The following RTN4 variants were observed in gnomAD, a reference collection of about 807,000 sequenced individuals.
RTN4 encodes the protein reticulon-4.
RTN4 carries 32 observed loss-of-function variants against 90.4 expected under a neutral mutation model. The observed-to-expected ratio is 0.35, with a 90% CI of 0.27 to 0.48. The LOEUF (loss-of-function observed/expected upper bound fraction) is 0.48. Among genes scored for constraint, RTN4 ranks in the 20% least tolerant of loss-of-function variants. The pLI is 0.99. For missense variants in RTN4, 1,706 were observed against 1,430.2 expected (o/e 1.19, Z -3.11); for synonymous variants, 629 against 552.5 (o/e 1.14, Z -1.94).
At chr2:55,120,076 A>T in the RTN4 span, among the ~76,000 whole-genome samples, 1 of 152,214 alleles carries the variant, frequency 6.6e-6, no homozygotes, top group African/African-American at 2.4e-5. Flanking sequence ...GGCCCACGGC[A>T]CTGAGAGGTG....
chr2:55,054,626 G>A (rs992337380), upstream of RTN4, among the ~76,000 whole-genome samples: 2 of 152,108 alleles, frequency 1.3e-5, no homozygotes, highest in Non-Finnish European at 2.9e-5. Flanking sequence ...ATAGCAGGAC[G>A]TGAACACCAG....
At chr2:55,106,959 T>C (rs1667954380) in intron 1 of RTN4, among the ~76,000 whole-genome samples, 1 of 152,156 alleles carries the variant, frequency 6.6e-6, no homozygotes, top group African/African-American at 2.4e-5. Context: ...AAATCATATA[T>C]TTTAGAGTAG....
intron 3 of RTN4, among the ~76,000 whole-genome samples, chr2:55,008,769 C>T (rs1358438092): frequency 1.3e-5 from 2 of 151,928 alleles, no homozygotes; most frequent in African/African-American, 4.8e-5. Context: ...AATAAAGAAC[C>T]TTAATAGTTG....
chr2:55,055,104 T>C (rs1668165024), upstream of RTN4, among the ~76,000 whole-genome samples: 1 of 152,080 alleles, frequency 6.6e-6, no homozygotes, highest in South Asian at 2.1e-4. Context: ...CAAATCTTTC[T>C]CCTTTAACTG....
chr2:55,037,469 T>C (rs772104296), intron 1 of RTN4, among the ~76,000 whole-genome samples: 1 of 152,236 alleles, frequency 6.6e-6, no homozygotes, highest in Admixed American at 6.5e-5. Context: ...TTAAGATTTC[T>C]GTCTATAATA....
intron 5 of RTN4, among the ~76,000 whole-genome samples, chr2:54,975,628 T>C (rs1677564879): frequency 1.3e-5 from 2 of 152,212 alleles, no homozygotes; most frequent in East Asian, 3.8e-4. Flanking sequence ...TCCCACACTA[T>C]ACAAAAACAG....
the RTN4 span, among the ~76,000 whole-genome samples, chr2:55,120,689 A>G: frequency 0.13 from 19,554 of 152,108 alleles, 1,620 homozygotes; most frequent in South Asian, 0.23. Flanking sequence ...TCAAGCTCTG[A>G]CTGAGAATAT....
At chr2:55,129,142 G>T in the RTN4 span, among the ~76,000 whole-genome samples, 7 of 150,334 alleles carry the variant, frequency 4.7e-5, no homozygotes, top group African/African-American at 1.7e-4. Flanking sequence ...AGAAAAGGGG[G>T]TGGGAGGCAA....
chr2:55,029,601 G>A (rs958744499), intron 1 of RTN4, among the ~76,000 whole-genome samples: 1 of 152,112 alleles, frequency 6.6e-6, no homozygotes, highest in Non-Finnish European at 1.5e-5. Flanking sequence ...ACATGAATAC[G>A]GACTTGTCTT....
chr2:55,055,594 C>T (rs554192608), upstream of RTN4, among the ~76,000 whole-genome samples: 38 of 151,986 alleles, frequency 2.5e-4, no homozygotes, highest in Non-Finnish European at 5.0e-4. Flanking sequence ...GGTGAAACCC[C>T]GTCTCTACTA....
intron 2 of RTN4, 99 bp from the exon 3 acceptor site, chr2:55,027,584 CT>C (rs1294905068): frequency 1.6e-6 from 2 of 1,217,984 alleles, no homozygotes; most frequent in Non-Finnish European, 2.3e-6. Context: ...TAAAGACTTA[CT>C]GTTTACTAAA....
chr2:55,091,674 ACTT>A (rs2105044744), intron 1 of RTN4, among the ~76,000 whole-genome samples: 1 of 152,174 alleles, frequency 6.6e-6, no homozygotes, highest in East Asian at 1.9e-4. Flanking sequence ...CAAAAAGAAA[ACTT>A]TTTTTAATTA....
At chr2:54,978,161 G>A (rs770985073) in intron 5 of RTN4, among the ~76,000 whole-genome samples, 3 of 152,170 alleles carry the variant, frequency 2.0e-5, no homozygotes, top group Non-Finnish European at 4.4e-5. Flanking sequence ...TGGGCATGGT[G>A]GCTCACACCT....
At chr2:54,984,346 T>A (rs1244988234) in intron 4 of RTN4, among the ~76,000 whole-genome samples, 2 of 152,256 alleles carry the variant, frequency 1.3e-5, no homozygotes, top group African/African-American at 4.8e-5. Flanking sequence ...TACTAATACA[T>A]GGTCTAACAC....
At position 55,049,584 on chromosome 2, in the gene RTN4, T is replaced by C. The variant is rs754674358; in HGVS notation, c.556+161A>G. The C allele has an allele frequency of 9.0e-6, 11 of 1,218,234 alleles. No homozygotes were observed. The Admixed American group carries it at 1.8e-4, about 20-fold the overall frequency. 75.5% of individuals were successfully genotyped at this position (1,218,234 alleles called of 1,614,324 possible). A position where few individuals can be genotyped will look rare whatever the true frequency, so the allele number is the denominator to read the frequency against. On this transcript the variant is annotated intron_variant, in intron 1 of 8. Transcript: ENST00000337526. ...CGGGCTCCAAGGGCCGCCCCACCCT[T>C]CTCCCCGCGCTTCCAACCAGACGGG... is the stretch of plus-strand genomic sequence containing the variant.
chr2:54,997,649 A>C (rs926793114), intron 3 of RTN4, among the ~76,000 whole-genome samples: 5 of 152,242 alleles, frequency 3.3e-5, no homozygotes, highest in African/African-American at 1.2e-4. Context: ...AGGTATATCC[A>C]TATAACAGAA....
intron 3 of RTN4, among the ~76,000 whole-genome samples, chr2:55,013,219 T>C (rs1247702621): frequency 6.6e-6 from 1 of 152,174 alleles, no homozygotes; most frequent in African/African-American, 2.4e-5. Flanking sequence ...GGGAAAAGTA[T>C]TCTCCTTTTC....
chr2:55,111,284 C>T (rs2968778), intron 1 of RTN4, among the ~76,000 whole-genome samples: 129,138 of 152,050 alleles, frequency 0.85, 55,207 homozygotes, highest in African/African-American at 0.94. Flanking sequence ...ATTTTAAAAA[C>T]AGAGCAAGCA....
intron 1 of RTN4, among the ~76,000 whole-genome samples, chr2:55,105,179 C>CT (rs1488176551): frequency 6.9e-6 from 1 of 143,948 alleles, no homozygotes; most frequent in Non-Finnish European, 1.5e-5. Context: ...TTCCATATTT[C>CT]TTTTTTGTGA....
Sources: gnomAD v4.1 joint callset for allele counts (sites outside exome capture counted in the v4.1 genomes callset) on GRCh38, gnomAD v4.1.1 for gene constraint, MANE v1.5 for transcripts, NCBI Gene and HGNC (gene_info 2026-07-23, HGNC 2026-07-21) for gene names.